FSD2: variants seen among roughly 807,000 people sequenced by gnomAD.
FSD2 encodes the protein fibronectin type III and SPRY domain containing 2, also known as fibronectin type III and SPRY domain-containing protein 2.
Under a neutral mutation model 80.4 loss-of-function variants are expected in FSD2, and 71 were observed. The observed-to-expected ratio is 0.88, with a 90% CI of 0.73 to 1.08. The LOEUF (loss-of-function observed/expected upper bound fraction) is 1.08. FSD2 is among the 50% of genes least tolerant of loss of function. FSD2 has a pLI of 0.00. For missense variants in FSD2, 923 were observed against 913.8 expected (o/e 1.01, Z -0.13); for synonymous variants, 361 against 329.5 (o/e 1.10, Z -1.03).
chr15:82,798,483 TG>T (rs748084433), intron 1 of FSD2, among the ~76,000 whole-genome samples: 11 of 152,206 alleles, frequency 7.2e-5, no homozygotes, highest in Non-Finnish European at 1.5e-4. Flanking sequence ...TAAAAAATTG[TG>T]GTAAATCTAA....
At position 82,760,363 on chromosome 15, in the gene FSD2, A is replaced by G. The variant is rs76591430; in HGVS notation, c.1998-763T>C. Among the ~76,000 whole-genome samples the G allele has an allele frequency of 2.3e-3, 357 of 152,278 alleles. 4 individuals are homozygous for G. The highest frequency in any genetic ancestry group is 8.2e-3 in the African/African-American group (341 of 41,560). On this transcript the variant is annotated intron_variant, in intron 12 of 12. Transcript: ENST00000334574. ...TGGGCCTGTTACCAATCAATACTAT[A>G]TCACTATCCATGCTCTACATCCTGT...
chr15:82,802,025 T>A (rs1249333508), intron 1 of FSD2, among the ~76,000 whole-genome samples: 1 of 152,134 alleles, frequency 6.6e-6, no homozygotes, highest in Non-Finnish European at 1.5e-5. Flanking sequence ...CTTCATATGA[T>A]TTATGAAGAC....
In FSD2 at chr15:82,762,254, T is replaced by C. The variant is rs772996129; in HGVS notation, c.1845A>G (p.Leu615=). The change falls in exon 12 of 13, where the codon CTA becomes CTG. Residue 615 remains leucine (L), a synonymous_variant. Transcript: ENST00000334574. ...AGTAATGGTGCCCTCGGACTGGAATTAGATTTCCCATGACAGCAACACACC... is the reference window on the plus strand; with the variant it reads ...AGTAATGGTGCCCTCGGACTGGAATCAGATTTCCCATGACAGCAACACACC... ...FTRCVAVMGN[L]IPVRGHHYWE... The C allele has an allele frequency of 6.2e-6, 10 of 1,613,744 alleles. No homozygotes were observed. The African/African-American group carries it at 1.2e-4, about 19-fold the overall frequency.
At chr15:82,781,035 CAAAAGA>C (rs1344371720) in intron 4 of FSD2, among the ~76,000 whole-genome samples, 4 of 152,104 alleles carry the variant, frequency 2.6e-5, no homozygotes, top group Admixed American at 6.5e-5. Context: ...GACCCTGTCT[CAAAAGA>C]AAAACCAACA....
intron 1 of FSD2, among the ~76,000 whole-genome samples, chr15:82,790,574 G>A (rs1013563662): frequency 8.1e-6 from 1 of 122,770 alleles, no homozygotes; most frequent in African/African-American, 3.0e-5. Flanking sequence ...GTGTTCGTGC[G>A]TGTGTGTGTG....
chr15:82,800,099 GGAA>G (rs1418775471), intron 1 of FSD2, among the ~76,000 whole-genome samples: 9 of 152,088 alleles, frequency 5.9e-5, no homozygotes, highest in Non-Finnish European at 8.8e-5. Context: ...CATGGCCTCG[GGAA>G]GAAGAACTCT....
chr15:82,762,372 T>C (rs780720356), intron 11 of FSD2, 94 bp from the exon 12 acceptor site: 100 of 1,262,332 alleles, frequency 7.9e-5, no homozygotes, highest in Non-Finnish European at 1.0e-4. Context: ...AGTCAGTCGG[T>C]GGTCTACGAA....
chr15:82,789,354 T>TATA (rs35989908), intron 1 of FSD2, among the ~76,000 whole-genome samples: 25,604 of 148,810 alleles, frequency 0.17, 2,256 homozygotes, highest in African/African-American at 0.2. Context: ...TCTAGAAGGA[T>TATA]ATAATAATAA....
chr15:82,768,594 T>TTGAATGAATGAA (rs3047206), intron 9 of FSD2, among the ~76,000 whole-genome samples: 18 of 151,054 alleles, frequency 1.2e-4, no homozygotes, highest in African/African-American at 2.4e-4. Context: ...TCAATGCATG[T>TTGAATGAATGAA]TGAATGAATG....
chr15:82,797,072 T>C (rs1250453733), intron 1 of FSD2, among the ~76,000 whole-genome samples: 1 of 151,408 alleles, frequency 6.6e-6, no homozygotes, highest in Non-Finnish European at 1.5e-5. Flanking sequence ...GAAGGACAAT[T>C]TGAAGTATTG....
At chr15:82,784,129 G>A (rs1232109566) in intron 3 of FSD2, among the ~76,000 whole-genome samples, 1 of 152,158 alleles carries the variant, frequency 6.6e-6, no homozygotes, top group Non-Finnish European at 1.5e-5. Flanking sequence ...GAGAGAGAAA[G>A]GCAATAGATG....
intron 6 of FSD2, among the ~76,000 whole-genome samples, chr15:82,776,886 A>G (rs899252106): frequency 2.0e-5 from 3 of 152,240 alleles, no homozygotes; most frequent in Non-Finnish European, 2.9e-5. Context: ...GGACAGACAC[A>G]TAGACCAATG....
At chr15:82,793,906 C>T (rs2050203123) in intron 1 of FSD2, among the ~76,000 whole-genome samples, 2 of 151,964 alleles carry the variant, frequency 1.3e-5, no homozygotes, top group South Asian at 2.1e-4. Context: ...AAACCTCTGA[C>T]TAGAGGTTTG....
At position 82,756,184 on chromosome 15, in the gene FSD2, G is replaced by T; in HGVS notation, c.*3164C>A. 1 of 299,370 alleles carries T rather than the reference G, an allele frequency of 3.3e-6. No individual in the cohort carries two copies. Among genetic ancestry groups the T allele is most frequent in the Non-Finnish European group, 6.9e-6 (1 of 145,824 alleles). 18.5% of individuals were successfully genotyped at this position (299,370 alleles called of 1,614,324 possible). A position where few individuals can be genotyped will look rare whatever the true frequency, so the allele number is the denominator to read the frequency against. ...GAGAATCTTGCTCTACTAATTGATA[G>T]GAAGGTGACTAGAAATTGGCGAAGT... On this transcript the variant is annotated 3_prime_UTR_variant, in exon 13 of 13. Transcript: ENST00000334574.
At chr15:82,783,934 A>G (rs1201600010) in intron 3 of FSD2, among the ~76,000 whole-genome samples, 1 of 152,226 alleles carries the variant, frequency 6.6e-6, no homozygotes, top group South Asian at 2.1e-4. Flanking sequence ...AGCACAGTAG[A>G]TGAGAAATAT....
intron 1 of FSD2, among the ~76,000 whole-genome samples, chr15:82,797,020 TA>T (rs11286584): frequency 0.38 from 37,078 of 97,254 alleles, 4,742 homozygotes; most frequent in African/African-American, 0.46. Context: ...GCTTGGTAAT[TA>T]AAAAAAAAAA....
intron 1 of FSD2, among the ~76,000 whole-genome samples, chr15:82,794,793 C>G (rs1342048619): frequency 6.0e-5 from 9 of 150,118 alleles, no homozygotes; most frequent in African/African-American, 9.8e-5. Context: ...GGCGCGATCT[C>G]GGCTTACTGC....
At chr15:82,766,170 C>CA (rs2049416301) in intron 9 of FSD2, 139 bp from the exon 10 acceptor site, 1 of 945,642 alleles carries the variant, frequency 1.1e-6, no homozygotes, top group Non-Finnish European at 1.5e-6. Context: ...GCAGCATAGC[C>CA]AGGAGTGCTG....
Position 82,759,243 on chromosome 15 carries a change from T to G in FSD2, c.*105A>C, listed in dbSNP as rs925537137. ...GTCAGATAATAGCATGAGCCATAAATTGTGCTGGGCACATGGTGCTTAAGT... is the reference window on the plus strand; with the variant it reads ...GTCAGATAATAGCATGAGCCATAAAGTGTGCTGGGCACATGGTGCTTAAGT... On this transcript the variant is annotated 3_prime_UTR_variant, in exon 13 of 13. Transcript: ENST00000334574. 5.7e-6 allele frequency: 7 copies of G among 1,234,114 alleles called. No individual in the cohort carries two copies. In the Admixed American group the frequency reaches 7.6e-5, roughly 13 times the overall value. 76.4% of individuals were successfully genotyped at this position (1,234,114 alleles called of 1,614,324 possible). A position where few individuals can be genotyped will look rare whatever the true frequency, so the allele number is the denominator to read the frequency against.
Sources: allele counts gnomAD v4.1 joint callset (sites outside exome capture counted in the v4.1 genomes callset), GRCh38; gene constraint gnomAD v4.1.1; transcripts MANE v1.5; gene names NCBI Gene and HGNC (gene_info 2026-07-23, HGNC 2026-07-21).